Variants in DCAF6 observed in about 807,000 individuals in gnomAD.
The protein encoded by DCAF6 is DDB1- and CUL4-associated factor 6.
Under a neutral mutation model 125.1 loss-of-function variants are expected in DCAF6, and 54 were observed. The observed-to-expected ratio is 0.43, with a 90% CI of 0.35 to 0.54. DCAF6 has a LOEUF of 0.54. Ranked by LOEUF, DCAF6 falls within the 20% of genes least tolerant of loss-of-function variation. The pLI, the probability that DCAF6 is intolerant of heterozygous loss-of-function variation, is 0.01. For missense variants in DCAF6, 934 were observed against 1,161.7 expected (o/e 0.80, Z 2.85); for synonymous variants, 371 against 390.4 (o/e 0.95, Z 0.58).
At position 168,063,792 on chromosome 1, in the gene DCAF6, T is replaced by C. The variant is rs374155148; in HGVS notation, c.2439+33T>C. The C allele has an allele frequency of 1.5e-5, 24 of 1,590,854 alleles. No individual in the cohort carries two copies. The East Asian group carries it at 4.8e-4, about 32-fold the overall frequency. ...ATGTTCATGGCATTTTTTGGTGAAA[T>C]TGCAGTTTCATGCTCTGAGTGTTTT... On this transcript the variant is annotated intron_variant, in intron 18 of 21. Coordinates refer to ENST00000367840, the MANE Select transcript of DCAF6 (RefSeq NM_001198956.2).
At chr1:167,942,132 C>G in intron 1 of DCAF6, among the ~76,000 whole-genome samples, 1 of 152,178 alleles carries the variant, frequency 6.6e-6, no homozygotes, top group East Asian at 1.9e-4. Flanking sequence ...ATGGCATGAT[C>G]TTGGCTTACC....
the DCAF6 span, chr1:167,883,313 C>G: frequency 1.9e-6 from 2 of 1,058,428 alleles, no homozygotes; most frequent in Non-Finnish European, 2.9e-6. Flanking sequence ...GCTGGGATTA[C>G]AGGCGTGAGC....
intron 16 of DCAF6, among the ~76,000 whole-genome samples, chr1:168,045,771 G>C (rs1260496960): frequency 6.6e-6 from 1 of 152,010 alleles, no homozygotes; most frequent in South Asian, 2.1e-4. Flanking sequence ...AAATTGAATT[G>C]CCAACATGTT....
chr1:167,896,029 C>T, the DCAF6 span, among the ~76,000 whole-genome samples: 1 of 152,100 alleles, frequency 6.6e-6, no homozygotes, highest in Non-Finnish European at 1.5e-5. Context: ...AAGCTATGGT[C>T]AACCATCTAG....
intron 7 of DCAF6, 70 bp downstream of exon 7, chr1:167,993,510 G>A: frequency 7.6e-7 from 1 of 1,322,620 alleles, no homozygotes; most frequent in Non-Finnish European, 1.1e-6. Context: ...AGCGCTTTGG[G>A]AGGCCGAGGT....
At chr1:167,934,384 A>G (rs1671000809), upstream of DCAF6, among the ~76,000 whole-genome samples, 1 of 152,242 alleles carries the variant, frequency 6.6e-6, no homozygotes. Context: ...TATTACAAAA[A>G]GCATAGCTCA....
At chr1:168,037,303 T>G (rs1203913495) in intron 12 of DCAF6, among the ~76,000 whole-genome samples, 2 of 152,142 alleles carry the variant, frequency 1.3e-5, no homozygotes, top group Non-Finnish European at 2.9e-5. Flanking sequence ...CTAAGTATAT[T>G]TGCTTTTATG....
At chr1:167,919,962 A>C in the DCAF6 span, 12 of 1,574,152 alleles carry the variant, frequency 7.6e-6, no homozygotes, top group African/African-American at 1.4e-5. Flanking sequence ...TTTTAAAAAT[A>C]TCTCTGGTAG....
chr1:168,049,961 A>AT (rs543375182), intron 16 of DCAF6, among the ~76,000 whole-genome samples: 4,282 of 139,758 alleles, frequency 0.031, 210 homozygotes, highest in African/African-American at 0.1. Context: ...AGGCTGTATA[A>AT]TTTTTTTTTT....
At chr1:167,974,164 G>A (rs555531733) in intron 3 of DCAF6, among the ~76,000 whole-genome samples, 6 of 151,602 alleles carry the variant, frequency 4.0e-5, no homozygotes, top group African/African-American at 9.7e-5. Context: ...ATTTTTAAGG[G>A]CCATTTGTAT....
chr1:167,910,974 A>G, the DCAF6 span, among the ~76,000 whole-genome samples: 1 of 152,222 alleles, frequency 6.6e-6, no homozygotes, highest in Non-Finnish European at 1.5e-5. Context: ...CCCTACTATC[A>G]GCCCCTTCAA....
At chr1:168,049,426 T>C (rs1267854502) in intron 16 of DCAF6, among the ~76,000 whole-genome samples, 2 of 89,478 alleles carry the variant, frequency 2.2e-5, no homozygotes, top group African/African-American at 5.5e-5. Flanking sequence ...GTTGTTGTTG[T>C]TGTTGTTTTT....
chr1:167,903,042 G>A, the DCAF6 span, among the ~76,000 whole-genome samples: 565 of 152,132 alleles, frequency 3.7e-3, 6 homozygotes, highest in African/African-American at 0.013. Flanking sequence ...ATCACCTGAG[G>A]TCAGGAGTTA....
the DCAF6 span, among the ~76,000 whole-genome samples, chr1:167,896,088 G>T: frequency 6.6e-6 from 1 of 152,134 alleles, no homozygotes; most frequent in Non-Finnish European, 1.5e-5. Context: ...AATGGTCCTT[G>T]GTGGCCTTGA....
intron 4 of DCAF6, among the ~76,000 whole-genome samples, chr1:167,986,803 T>C (rs370557684): frequency 6.6e-6 from 1 of 152,130 alleles, no homozygotes; most frequent in Non-Finnish European, 1.5e-5. Flanking sequence ...CTTTGGGACA[T>C]AGGGAGAGAA....
At chr1:167,898,516 T>G in the DCAF6 span, among the ~76,000 whole-genome samples, 3 of 151,736 alleles carry the variant, frequency 2.0e-5, no homozygotes, top group African/African-American at 7.3e-5. Context: ...AGGGAATTGC[T>G]TGAACCCGGG....
chr1:167,907,914 T>C, the DCAF6 span, among the ~76,000 whole-genome samples: 1 of 152,234 alleles, frequency 6.6e-6, no homozygotes, highest in Non-Finnish European at 1.5e-5. Context: ...AGTATTCTGG[T>C]GTCAACTCAG....
intron 14 of DCAF6, among the ~76,000 whole-genome samples, chr1:168,044,078 T>C (rs945398246): frequency 2.0e-5 from 3 of 152,114 alleles, no homozygotes; most frequent in African/African-American, 7.2e-5. Flanking sequence ...GAAGAAGCAG[T>C]GGGCCCATCC....
intron 2 of DCAF6, among the ~76,000 whole-genome samples, chr1:167,964,344 T>C (rs1676066002): frequency 6.6e-6 from 1 of 152,226 alleles, no homozygotes; most frequent in Admixed American, 6.5e-5. Context: ...TTTTGCTTTG[T>C]TTTGTTTCCG....
Sources: gnomAD v4.1 joint callset for allele counts (sites outside exome capture counted in the v4.1 genomes callset) on GRCh38, gnomAD v4.1.1 for gene constraint, MANE v1.5 for transcripts, NCBI Gene and HGNC (gene_info 2026-07-23, HGNC 2026-07-21) for gene names.